Variants in KIF6 observed in about 807,000 individuals in gnomAD.
KIF6 encodes the protein kinesin-like protein KIF6.
A neutral mutation model predicts 112.7 loss-of-function variants in KIF6; 106 were observed. The ratio of observed to expected loss-of-function variants is 0.94; its 90% CI spans 0.80 to 1.11. KIF6 has a LOEUF of 1.11. Among genes scored for constraint, KIF6 ranks in the 50% least tolerant of loss-of-function variants. The pLI, the probability that KIF6 is intolerant of heterozygous loss-of-function variation, is 0.00. For missense variants in KIF6, 929 were observed against 964.0 expected (o/e 0.96, Z 0.48); for synonymous variants, 339 against 339.9 (o/e 1.00, Z 0.03).
intron 21 of KIF6, among the ~76,000 whole-genome samples, chr6:39,344,597 C>T (rs978300870): frequency 7.9e-5 from 12 of 152,140 alleles, no homozygotes; most frequent in Admixed American, 2.0e-4. Flanking sequence ...CGTCACATGG[C>T]GGCTGTGCTT....
intron 9 of KIF6, among the ~76,000 whole-genome samples, chr6:39,581,452 G>A (rs547483596): frequency 6.6e-4 from 100 of 151,892 alleles, no homozygotes; most frequent in Non-Finnish European, 1.2e-3. Flanking sequence ...CACTGCGCCC[G>A]GCCCGCTTTA....
At chr6:39,582,764 C>T (rs1325917830) in intron 9 of KIF6, among the ~76,000 whole-genome samples, 1 of 152,136 alleles carries the variant, frequency 6.6e-6, no homozygotes. Context: ...TATCGGCTGG[C>T]TCCATATTTG....
intron 3 of KIF6, among the ~76,000 whole-genome samples, chr6:39,703,075 AC>A (rs202010511): frequency 1.1e-3 from 20 of 18,688 alleles, no homozygotes; most frequent in Non-Finnish European, 2.6e-3. Flanking sequence ...AAATCCACCA[AC>A]CCCCCACCCC....
intron 3 of KIF6, among the ~76,000 whole-genome samples, chr6:39,696,565 C>T (rs914801001): frequency 1.3e-5 from 2 of 152,028 alleles, no homozygotes; most frequent in African/African-American, 4.8e-5. Flanking sequence ...CTTTAAGTCA[C>T]TATTGTCTTA....
intron 3 of KIF6, among the ~76,000 whole-genome samples, chr6:39,706,441 G>A (rs1460962003): frequency 6.6e-6 from 1 of 152,186 alleles, no homozygotes. Flanking sequence ...TTAAGTCCTT[G>A]ATGGAGCTTG....
chr6:39,637,575 C>G (rs1784689975), intron 4 of KIF6, among the ~76,000 whole-genome samples: 1 of 151,974 alleles, frequency 6.6e-6, no homozygotes, highest in Admixed American at 6.6e-5. Context: ...TGGGCTCTTA[C>G]TGTATCTTGA....
rs555401324 is a variant in KIF6, at chr6:39,396,439, CTG to C, written c.1811-10769_1811-10768del. Among the ~76,000 whole-genome samples the C allele has an allele frequency of 2.0e-3, 300 of 152,270 alleles. 3 individuals carry two copies. The highest frequency in any genetic ancestry group is 7.0e-3 in the African/African-American group (292 of 41,550). Reference sequence around the variant, plus strand: ...CGAGCCCAGCAGGTGCACTGGGAAACTGTGGTGGAGTGGGGAGCCAGAGAAAG... The same window carrying C: ...CGAGCCCAGCAGGTGCACTGGGAAACTGGTGGAGTGGGGAGCCAGAGAAAG... On this transcript the variant is annotated intron_variant, in intron 15 of 22. Coordinates refer to ENST00000287152, the MANE Select transcript of KIF6 (RefSeq NM_145027.6).
chr6:39,586,692 G>T (rs558391855), intron 7 of KIF6, among the ~76,000 whole-genome samples: 4 of 152,200 alleles, frequency 2.6e-5, no homozygotes, highest in African/African-American at 9.6e-5. Context: ...TGTTTTTAAC[G>T]ATTGGAAAAT....
intron 10 of KIF6, among the ~76,000 whole-genome samples, chr6:39,566,118 C>A (rs1561816229): frequency 6.6e-6 from 1 of 152,156 alleles, no homozygotes; most frequent in Non-Finnish European, 1.5e-5. Context: ...CTCACTCAAG[C>A]CCAAAGTGGC....
intron 13 of KIF6, among the ~76,000 whole-genome samples, chr6:39,494,827 AG>A (rs1308374292): frequency 1.3e-5 from 2 of 152,146 alleles, no homozygotes; most frequent in African/African-American, 4.8e-5. Context: ...ACAAAAAAAA[AG>A]ATAAGAAAAA....
chr6:39,497,557 G>A (rs1775860453), intron 13 of KIF6, among the ~76,000 whole-genome samples: 1 of 152,122 alleles, frequency 6.6e-6, no homozygotes, highest in Non-Finnish European at 1.5e-5. Context: ...AGTGTTCAGG[G>A]GTCCTAACCA....
intron 19 of KIF6, among the ~76,000 whole-genome samples, chr6:39,351,623 TCA>T (rs947296146): frequency 6.6e-6 from 1 of 151,112 alleles, no homozygotes; most frequent in Non-Finnish European, 1.5e-5. Context: ...TCTCTCTCTC[TCA>T]CACACACACA....
At chr6:39,422,678 G>A (rs1427221424) in intron 14 of KIF6, among the ~76,000 whole-genome samples, 2 of 152,146 alleles carry the variant, frequency 1.3e-5, no homozygotes, top group Non-Finnish European at 2.9e-5. Flanking sequence ...AAAGATGCGA[G>A]AAAGAGGGTG....
chr6:39,339,924 A>G (rs772591101), intron 22 of KIF6, among the ~76,000 whole-genome samples: 3 of 152,038 alleles, frequency 2.0e-5, no homozygotes, highest in Non-Finnish European at 4.4e-5. Context: ...CTTAATGAGC[A>G]CTCCTGAAGT....
At position 39,351,600 on chromosome 6, in the gene KIF6, ACAC is replaced by A. The variant is rs1764251745; in HGVS notation, c.2181-5077_2181-5075del. On this transcript the variant is annotated intron_variant, in intron 19 of 22. Coordinates refer to ENST00000287152, the MANE Select transcript of KIF6 (RefSeq NM_145027.6). ...TGCATCTGTCGGGCCCCTTGCTGAC[ACAC>A]CTGCCCCTCTCTCTCTCTCTCACAC... is the stretch of plus-strand genomic sequence containing the variant. 2.0e-5 allele frequency among the ~76,000 whole-genome samples: 3 copies of A among 152,094 alleles called. No individual in the cohort carries two copies. In the South Asian group the frequency reaches 6.2e-4, roughly 32 times the overall value.
At chr6:39,537,543 A>G (rs1490084184) in intron 13 of KIF6, among the ~76,000 whole-genome samples, 1 of 151,862 alleles carries the variant, frequency 6.6e-6, no homozygotes, top group African/African-American at 2.4e-5. Flanking sequence ...AGAACTACAA[A>G]CCACTGCTCA....
intron 3 of KIF6, among the ~76,000 whole-genome samples, chr6:39,694,125 TA>T (rs35365821): frequency 6.8e-5 from 10 of 146,146 alleles, no homozygotes; most frequent in African/African-American, 1.8e-4. Context: ...CCCTTCATGG[TA>T]AAAAAAAAAA....
intron 3 of KIF6, among the ~76,000 whole-genome samples, chr6:39,645,341 C>A (rs1785105213): frequency 6.6e-6 from 1 of 152,192 alleles, no homozygotes; most frequent in East Asian, 1.9e-4. Context: ...AAATACAAGT[C>A]ATTTTAAAGT....
At chr6:39,543,920 G>A (rs919610496) in intron 12 of KIF6, among the ~76,000 whole-genome samples, 1 of 151,980 alleles carries the variant, frequency 6.6e-6, no homozygotes, top group Non-Finnish European at 1.5e-5. Context: ...TATCTTATTT[G>A]GTACTGATCA....
Sources: allele counts gnomAD v4.1 joint callset (sites outside exome capture counted in the v4.1 genomes callset), GRCh38; gene constraint gnomAD v4.1.1; transcripts MANE v1.5; gene names NCBI Gene and HGNC (gene_info 2026-07-23, HGNC 2026-07-21).